The following CHD9 variants were observed in gnomAD, a reference collection of about 807,000 sequenced individuals.
CHD9 encodes chromodomain helicase DNA binding protein 9, also known as ATP-dependent chromatin remodeler CHD9.
In CHD9, 77 loss-of-function variants were observed where a neutral mutation model predicts 316.1. That is an observed-to-expected ratio of 0.24 (90% CI 0.20 to 0.29). The LOEUF (loss-of-function observed/expected upper bound fraction) is 0.29, where lower values mean the gene tolerates loss of function less well. Among genes scored for constraint, CHD9 ranks in the 10% least tolerant of loss-of-function variants. The pLI is 1.00. For missense variants in CHD9, 2,763 were observed against 3,438.1 expected (o/e 0.80, Z 4.91); for synonymous variants, 1,129 against 1,158.3 (o/e 0.97, Z 0.51).
intron 2 of CHD9, among the ~76,000 whole-genome samples, chr16:53,191,448 C>G (rs73607757): frequency 0.032 from 4,930 of 152,196 alleles, 99 homozygotes; most frequent in Middle Eastern, 0.071. Flanking sequence ...TTTCAACCAC[C>G]ACTGCTGGCA....
chr16:53,229,748 CCT>C (rs1159005523), intron 8 of CHD9, among the ~76,000 whole-genome samples: 19 of 151,946 alleles, frequency 1.3e-4, no homozygotes, highest in Admixed American at 8.5e-4. Context: ...TCATTCTGTC[CCT>C]CTCTCTGTCA....
In CHD9 at chr16:53,303,936, A is replaced by G; in HGVS notation, c.5930A>G (p.His1977Arg). The change falls in exon 31 of 39, where the codon CAC (histidine) becomes CGC (arginine). Residue 1977 changes from histidine (H) to arginine (R), a missense_variant. Around this residue, in one of 15 missense-constraint regions of CHD9, gnomAD observed 663 missense variants for 751.2 expected, o/e 0.88. Transcript: ENST00000447540. ...DRDLLIGAAK[H>R]GVSRTDYHIL... is the part of the protein sequence containing the mutation. ...GATTTGCTTATTGGTGCTGCCAAAC[A>G]CGGGGTGAGCCGAACAGACTATCAC... is the stretch of plus-strand genomic sequence containing the variant. 5 of 1,614,008 alleles carry G rather than the reference A, an allele frequency of 3.1e-6. No individual in the cohort carries two copies. Among genetic ancestry groups the G allele is most frequent in the Non-Finnish European group, 4.2e-6 (5 of 1,179,888 alleles).
chr16:53,308,375 C>G (rs998504156), intron 33 of CHD9, among the ~76,000 whole-genome samples: 1 of 152,052 alleles, frequency 6.6e-6, no homozygotes, highest in Non-Finnish European at 1.5e-5. Context: ...TCCAAAATGT[C>G]ATATGAATAA....
chr16:53,134,514 A>G (rs1204333944), intron 1 of CHD9, among the ~76,000 whole-genome samples: 1 of 152,124 alleles, frequency 6.6e-6, no homozygotes, highest in African/African-American at 2.4e-5. Flanking sequence ...GTGAATACTC[A>G]GGTCAAATTC....
chr16:53,250,054 G>A lies in CHD9; in HGVS notation c.3849G>A (p.Gln1283=), dbSNP rs8052283. ...CIIFDSDWNP[Q]NDLQAQARCH... is the part of the protein sequence containing the mutation. ...TTTTTGATTCTGATTGGAATCCTCA[G>A]AATGATCTTCAGGTAAATAATTTCC... Residue 1283 remains glutamine, a synonymous_variant, in exon 17 of 39, where the codon CAG becomes CAA. Transcript: ENST00000447540. 0.32 allele frequency: 506,808 copies of A among 1,604,968 alleles called. 81,675 individuals carry two copies. The highest frequency in any genetic ancestry group is 0.38 in the Middle Eastern group (2,316 of 6,026).
intron 12 of CHD9, among the ~76,000 whole-genome samples, chr16:53,240,583 T>A (rs2049005978): frequency 6.6e-6 from 1 of 152,104 alleles, no homozygotes; most frequent in Non-Finnish European, 1.5e-5. Flanking sequence ...ACTTTTAGAA[T>A]TAACTCTTTT....
chr16:53,148,172 A>T (rs2040793167), intron 1 of CHD9, among the ~76,000 whole-genome samples: 1 of 152,120 alleles, frequency 6.6e-6, no homozygotes, highest in Non-Finnish European at 1.5e-5. Context: ...GCACTGTTGC[A>T]CTCCAGCCTT....
chr16:53,284,351 G>GTA lies in CHD9; in HGVS notation c.4968-1232_4968-1231dup, dbSNP rs112663400. Among the ~76,000 whole-genome samples, 75 of 150,114 alleles carry GTA rather than the reference G, an allele frequency of 5.0e-4. 1 individual carries two copies. The highest frequency in any genetic ancestry group is 6.5e-4 in the Non-Finnish European group (44 of 67,516). ...CAAATATAAGAAAATGTGTGTGTGT[G>GTA]TATATATATATATAATATACATATT... On this transcript the variant is annotated intron_variant, in intron 24 of 38. Transcript: ENST00000447540.
intron 24 of CHD9, among the ~76,000 whole-genome samples, chr16:53,280,751 C>CA (rs1231877384): frequency 6.6e-6 from 1 of 151,850 alleles, no homozygotes; most frequent in African/African-American, 2.4e-5. Context: ...CAGACAACAA[C>CA]AAAAAAGATT....
At chr16:53,310,322 C>G (rs1368618872) in intron 34 of CHD9, among the ~76,000 whole-genome samples, 1 of 151,970 alleles carries the variant, frequency 6.6e-6, no homozygotes, top group Non-Finnish European at 1.5e-5. Flanking sequence ...ATCAAAGGAG[C>G]CCTTTTTTTT....
chr16:53,081,443 C>A (rs1354623939), intron 1 of CHD9, among the ~76,000 whole-genome samples: 1 of 152,164 alleles, frequency 6.6e-6, no homozygotes, highest in Non-Finnish European at 1.5e-5. Flanking sequence ...ACACATCAAA[C>A]CTGCAGTTCA....
chr16:53,127,116 A>G (rs1183290094), intron 1 of CHD9, among the ~76,000 whole-genome samples: 1 of 152,054 alleles, frequency 6.6e-6, no homozygotes, highest in Admixed American at 6.6e-5. Flanking sequence ...CACCATGCCC[A>G]GCGAATTTTT....
intron 2 of CHD9, among the ~76,000 whole-genome samples, chr16:53,192,743 T>TAA (rs780555744): frequency 6.6e-6 from 1 of 152,332 alleles, no homozygotes. Context: ...TCATGCAGTA[T>TAA]ATTGTGTTAC....
intron 1 of CHD9, among the ~76,000 whole-genome samples, chr16:53,093,058 C>T (rs1453276202): frequency 6.6e-6 from 1 of 152,234 alleles, no homozygotes; most frequent in Admixed American, 6.5e-5. Context: ...GGATTACAGG[C>T]ATGAGCCATT....
At chr16:53,162,795 T>A (rs565313715) in intron 2 of CHD9, among the ~76,000 whole-genome samples, 26 of 151,996 alleles carry the variant, frequency 1.7e-4, no homozygotes, top group Non-Finnish European at 3.2e-4. Flanking sequence ...TTTTTTTTTT[T>A]TTTTGGTGGG....
At position 53,156,558 on chromosome 16, in the gene CHD9, G is replaced by A. The variant is rs2041535010; in HGVS notation, c.469G>A (p.Val157Met). 1 of 1,613,832 alleles carries A rather than the reference G, an allele frequency of 6.2e-7. No homozygotes were observed. The highest frequency in any genetic ancestry group is 1.7e-5 in the Admixed American group (1 of 60,000). Residue 157 changes from valine (V) to methionine (M), a missense_variant, in exon 2 of 39, where the codon GTG becomes ATG. Physicochemically the swap from Val to Met is conservative, Grantham distance 21. This residue lies in a region of CHD9 where 859 missense variants were observed against 890.4 expected (regional missense o/e 0.96). Coordinates refer to ENST00000447540, the MANE Select transcript of CHD9 (RefSeq NM_001308319.2). ...SHSMHQNKSF[V>M]AHHDFALFQA... ...CTCTATGCATCAAAATAAAAGCTTT[G>A]TGGCACACCATGACTTTGCCTTATT... is the stretch of plus-strand genomic sequence containing the variant.
At chr16:53,056,089 C>A (rs1430773418) in intron 1 of CHD9, among the ~76,000 whole-genome samples, 1 of 152,198 alleles carries the variant, frequency 6.6e-6, no homozygotes, top group Admixed American at 6.5e-5. Flanking sequence ...TAGGGCCTCA[C>A]TATATTCCCC....
intron 2 of CHD9, among the ~76,000 whole-genome samples, chr16:53,158,924 A>G (rs1449271729): frequency 1.3e-5 from 2 of 152,110 alleles, no homozygotes; most frequent in African/African-American, 2.4e-5. Flanking sequence ...GACGTGAGAC[A>G]CTCTGCCCAG....
At chr16:53,153,973 T>C (rs1258275921) in intron 1 of CHD9, among the ~76,000 whole-genome samples, 3 of 152,134 alleles carry the variant, frequency 2.0e-5, no homozygotes, top group Non-Finnish European at 1.5e-5. Flanking sequence ...AAAGGGGAGA[T>C]CAGATCAAAT....
Sources: allele counts gnomAD v4.1 joint callset (sites outside exome capture counted in the v4.1 genomes callset), GRCh38; gene constraint gnomAD v4.1.1; regional missense constraint gnomAD v4.1.1; transcripts MANE v1.5; gene names NCBI Gene and HGNC (gene_info 2026-07-23, HGNC 2026-07-21).